The following MAPRE1 variants were observed in gnomAD, a reference collection of about 807,000 sequenced individuals.
The protein encoded by MAPRE1 is microtubule-associated protein RP/EB family member 1.
MAPRE1 carries 5 observed loss-of-function variants against 32.1 expected under a neutral mutation model. That is an observed-to-expected ratio of 0.16 (90% CI 0.08 to 0.33). The LOEUF (loss-of-function observed/expected upper bound fraction) is 0.33. MAPRE1 is among the 10% of genes least tolerant of loss of function. The pLI, the probability that MAPRE1 is intolerant of heterozygous loss-of-function variation, is 1.00. For missense variants in MAPRE1, 209 were observed against 327.2 expected (o/e 0.64, Z 2.79); for synonymous variants, 122 against 118.9 (o/e 1.03, Z -0.17).
chr20:32,823,607 C>T (rs768714012), intron 1 of MAPRE1, among the ~76,000 whole-genome samples: 6 of 152,148 alleles, frequency 3.9e-5, no homozygotes, highest in East Asian at 1.9e-4. Context: ...AAGATTCTAC[C>T]GCACTTAAAA....
intron 2 of MAPRE1, among the ~76,000 whole-genome samples, chr20:32,833,481 ACTCCTTTT>A (rs1305143639): frequency 6.6e-6 from 1 of 152,070 alleles, no homozygotes; most frequent in Non-Finnish European, 1.5e-5. Flanking sequence ...TTGTAGAAAC[ACTCCTTTT>A]CTCCTTGTTA....
intron 2 of MAPRE1, 45 bp downstream of exon 2, chr20:32,826,093 T>C: frequency 6.5e-7 from 1 of 1,537,010 alleles, no homozygotes; most frequent in Non-Finnish European, 8.9e-7. Flanking sequence ...AGCCTGTAGG[T>C]TTTTCAGGAA....
chr20:32,836,848 A>C lies in MAPRE1; in HGVS notation c.475+7A>C, dbSNP rs751784088. 6 of 1,585,622 alleles carry C rather than the reference A, an allele frequency of 3.8e-6. No individual in the cohort carries two copies. Among genetic ancestry groups the C allele is most frequent in the Admixed American group, 2.0e-5 (1 of 50,560 alleles). ...CTCACTTCTAGCAGTGCAGGTAAAA[A>C]AACAACCCCAAAACGTTTCCAAAAA... On this transcript the variant is annotated splice_region_variant and intron_variant, in intron 4 of 6. Transcript: ENST00000375571.
intron 5 of MAPRE1, among the ~76,000 whole-genome samples, chr20:32,844,314 G>A (rs562277760): frequency 3.3e-5 from 5 of 152,176 alleles, no homozygotes; most frequent in Non-Finnish European, 7.4e-5. Flanking sequence ...CTTTATAGGT[G>A]GGACCCAGAA....
intron 2 of MAPRE1, 31 bp downstream of exon 2, chr20:32,826,079 G>C: frequency 6.4e-7 from 1 of 1,558,282 alleles, no homozygotes; most frequent in South Asian, 1.2e-5. Context: ...CATTTTTCTA[G>C]GAAAGCCTGT....
intron 2 of MAPRE1, among the ~76,000 whole-genome samples, chr20:32,830,795 G>A (rs1040861948): frequency 6.8e-6 from 1 of 146,512 alleles, no homozygotes; most frequent in African/African-American, 2.5e-5. Context: ...GGAGATCTCC[G>A]CTCACTGCAA....
At chr20:32,824,878 G>A (rs533851135) in intron 1 of MAPRE1, among the ~76,000 whole-genome samples, 12 of 151,734 alleles carry the variant, frequency 7.9e-5, no homozygotes, top group African/African-American at 2.2e-4. Context: ...CGGGCCAGGC[G>A]TGGTGGCTCA....
chr20:32,840,778 G>C (rs758968140), intron 5 of MAPRE1, among the ~76,000 whole-genome samples: 18 of 152,206 alleles, frequency 1.2e-4, no homozygotes, highest in Non-Finnish European at 2.1e-4. Flanking sequence ...GATCAGGACA[G>C]TGAGAACCTG....
intron 2 of MAPRE1, among the ~76,000 whole-genome samples, chr20:32,830,586 A>G (rs1436387971): frequency 1.3e-5 from 2 of 152,138 alleles, no homozygotes; most frequent in African/African-American, 2.4e-5. Flanking sequence ...CAGATTGCTC[A>G]CTGCTGCTGC....
At chr20:32,831,333 G>C (rs898053819) in intron 2 of MAPRE1, among the ~76,000 whole-genome samples, 1 of 151,650 alleles carries the variant, frequency 6.6e-6, no homozygotes, top group African/African-American at 2.4e-5. Context: ...TCTATCAGGA[G>C]GACTGGATGC....
chr20:32,821,645 C>T (rs1982706169), intron 1 of MAPRE1, among the ~76,000 whole-genome samples: 1 of 152,178 alleles, frequency 6.6e-6, no homozygotes, highest in African/African-American at 2.4e-5. Context: ...ACAGGATGAG[C>T]CATTTGTGAT....
chr20:32,843,570 T>TA (rs1460894256), intron 5 of MAPRE1: 1 of 152,224 alleles, frequency 6.6e-6, no homozygotes, highest in Non-Finnish European at 1.5e-5. Flanking sequence ...ATCTAATATG[T>TA]AAAAAATAAT....
chr20:32,827,942 T>C (rs945982169), intron 2 of MAPRE1, among the ~76,000 whole-genome samples: 2 of 151,906 alleles, frequency 1.3e-5, no homozygotes, highest in Admixed American at 6.6e-5. Flanking sequence ...TTTTTCTTTT[T>C]TTTTTTTGAG....
At chr20:32,830,474 A>G (rs1265780185) in intron 2 of MAPRE1, among the ~76,000 whole-genome samples, 1 of 152,094 alleles carries the variant, frequency 6.6e-6, no homozygotes, top group Non-Finnish European at 1.5e-5. Flanking sequence ...TGGGGCCATG[A>G]TTCCATCTTT....
chr20:32,834,889 C>G (rs550971583), intron 3 of MAPRE1, among the ~76,000 whole-genome samples: 1 of 152,236 alleles, frequency 6.6e-6, no homozygotes, highest in Non-Finnish European at 1.5e-5. Flanking sequence ...TGTTTTATAT[C>G]TAATTCTATC....
Position 32,844,192 on chromosome 20 carries a change from G to A in MAPRE1, c.598-2426G>A, listed in dbSNP as rs547317128. On this transcript the variant is annotated intron_variant, in intron 5 of 6. Coordinates refer to ENST00000375571, the MANE Select transcript of MAPRE1 (RefSeq NM_012325.3). ...TTAATAACCTCATGAATACAGACTT[G>A]AAAGGAGTGCCACGTGAAAGCCAGT... 1.7e-3 allele frequency among the ~76,000 whole-genome samples: 265 copies of A among 152,186 alleles called. 12 individuals are homozygous for A. The South Asian group carries it at 0.049, about 28-fold the overall frequency.
intron 2 of MAPRE1, among the ~76,000 whole-genome samples, chr20:32,827,388 A>C (rs1362609134): frequency 6.6e-6 from 1 of 152,060 alleles, no homozygotes; most frequent in African/African-American, 2.4e-5. Context: ...AGCCTGGGTG[A>C]TAAGAGCGAG....
intron 5 of MAPRE1, chr20:32,843,645 A>G (rs1005388682): frequency 6.6e-6 from 1 of 152,220 alleles, no homozygotes; most frequent in Non-Finnish European, 1.5e-5. Flanking sequence ...AGACTCTGCT[A>G]GGTCTTTGAA....
chr20:32,827,473 C>G (rs1982889389), intron 2 of MAPRE1, among the ~76,000 whole-genome samples: 1 of 152,034 alleles, frequency 6.6e-6, no homozygotes, highest in East Asian at 1.9e-4. Context: ...TCTATGTATG[C>G]TAATCGTATG....
Sources: allele counts gnomAD v4.1 joint callset (sites outside exome capture counted in the v4.1 genomes callset), GRCh38; gene constraint gnomAD v4.1.1; transcripts MANE v1.5; gene names NCBI Gene and HGNC (gene_info 2026-07-23, HGNC 2026-07-21).